Variants in KCNMA1 observed in about 807,000 individuals in gnomAD.
KCNMA1 encodes the protein Calcium-activated potassium channel subunit alpha-1.
In KCNMA1, 29 loss-of-function variants were observed where a neutral mutation model predicts 140.0. That is an observed-to-expected ratio of 0.21 (90% confidence interval 0.15 to 0.28). KCNMA1 has a LOEUF of 0.28. KCNMA1 is among the 10% of genes least tolerant of loss of function. The pLI, the probability that KCNMA1 is intolerant of heterozygous loss-of-function variation, is 1.00. For synonymous variants in KCNMA1, 612 were observed against 611.9 expected (o/e 1.00, Z 0.00); for missense variants, 880 against 1,602.2 (o/e 0.55, Z 7.70).
rs565265322 is a variant in KCNMA1 at position 77,506,725 on chromosome 10, A to T, written c.379-102702T>A. Among the ~76,000 whole-genome samples the T allele has an allele frequency of 1.4e-3, 183 of 133,634 alleles. 1 individual carries two copies. The highest frequency in any genetic ancestry group is 4.6e-3 in the Middle Eastern group (1 of 216). The allele number at this position is 133,634 out of a possible 152,430, so 87.7% of individuals were successfully genotyped here. A position where few individuals can be genotyped will look rare whatever the true frequency, so the allele number is the denominator to read the frequency against. ...GATGTTCCGAGAGAGAGAGAGAGAG[A>T]GTGTGTGTGTGTGTGTTTGTTAGAG... On this transcript the variant is annotated intron_variant, in intron 1 of 27. Transcript: ENST00000286628.
At chr10:77,366,110 C>CTTTCTT (rs1555244423) in intron 2 of KCNMA1, among the ~76,000 whole-genome samples, 45 of 150,160 alleles carry the variant, frequency 3.0e-4, no homozygotes, top group South Asian at 8.5e-4. Flanking sequence ...CATGTTCTTT[C>CTTTCTT]TTTCTTTCTT....
chr10:77,568,305 C>T (rs1427114809), intron 1 of KCNMA1, among the ~76,000 whole-genome samples: 4 of 152,216 alleles, frequency 2.6e-5, no homozygotes, highest in South Asian at 2.1e-4. Context: ...AGACCAATAT[C>T]CTTGATGAAC....
chr10:77,625,132 G>A (rs574615112), intron 1 of KCNMA1, among the ~76,000 whole-genome samples: 3 of 152,148 alleles, frequency 2.0e-5, no homozygotes, highest in Non-Finnish European at 2.9e-5. Context: ...AGTGGCTCAC[G>A]CCTGTAATCC....
chr10:76,977,389 G>A (rs2077956778), intron 19 of KCNMA1, among the ~76,000 whole-genome samples: 1 of 152,164 alleles, frequency 6.6e-6, no homozygotes, highest in Non-Finnish European at 1.5e-5. Context: ...AAAAAGATAT[G>A]AAATTTGGTG....
intron 19 of KCNMA1, among the ~76,000 whole-genome samples, chr10:76,982,226 C>T (rs1352117039): frequency 6.7e-6 from 1 of 150,366 alleles, no homozygotes; most frequent in Non-Finnish European, 1.5e-5. Context: ...TCATAAGTTA[C>T]ATAAATGCAA....
intron 23 of KCNMA1, among the ~76,000 whole-genome samples, chr10:76,923,944 G>T (rs998224024): frequency 6.6e-6 from 1 of 152,160 alleles, no homozygotes; most frequent in Admixed American, 6.5e-5. Flanking sequence ...GGCAGAGGTT[G>T]CAGTGAGCCA....
intron 16 of KCNMA1, 90 bp downstream of exon 16, chr10:77,027,733 G>GCA: frequency 9.9e-7 from 1 of 1,014,292 alleles, no homozygotes; most frequent in East Asian, 2.4e-5. Flanking sequence ...GATAAATAAT[G>GCA]CACAAGAAAG....
rs758400873 is a variant in KCNMA1 at position 76,915,042 on chromosome 10, T to C, written c.2910A>G (p.Thr970=). The stretch of plus-strand genomic sequence containing the variant: ...GAGAGGATCTATCCATTCCTGGAGG[T>C]GTGAACCCTAGTGGGAAGGAAACAG... ...GVLQANSQGF[T]PPGMDRSSPD... The change falls in exon 24 of 28, where the codon ACA becomes ACG. Residue 970 remains threonine, a synonymous_variant. Transcript: ENST00000286628. 1 of 1,611,344 alleles carries C rather than the reference T, an allele frequency of 6.2e-7. No homozygotes were observed. The highest frequency in any genetic ancestry group is 8.5e-7 in the Non-Finnish European group (1 of 1,177,826).
intron 2 of KCNMA1, among the ~76,000 whole-genome samples, chr10:77,366,989 T>C (rs1004341258): frequency 6.6e-6 from 1 of 152,220 alleles, no homozygotes; most frequent in Non-Finnish European, 1.5e-5. Context: ...CTACAAGACA[T>C]AGATCTTGTC....
Position 77,427,174 on chromosome 10 carries a change from C to T in KCNMA1, c.379-23151G>A, listed in dbSNP as rs534316600. Among the ~76,000 whole-genome samples the T allele has an allele frequency of 3.9e-5, 6 of 152,318 alleles. No homozygotes were observed. The East Asian group carries it at 9.6e-4, about 24-fold the overall frequency. Reference sequence around the variant, plus strand: ...ATCAGCATCATGGTGCTGTCCCAGCCCAGATGGTCACTTATATATTCCCCA... The same window carrying T: ...ATCAGCATCATGGTGCTGTCCCAGCTCAGATGGTCACTTATATATTCCCCA... On this transcript the variant is annotated intron_variant, in intron 1 of 27. Coordinates refer to ENST00000286628, the MANE Select transcript of KCNMA1 (RefSeq NM_001161352.2).
intron 20 of KCNMA1, among the ~76,000 whole-genome samples, chr10:76,962,567 T>G (rs1392441771): frequency 6.6e-6 from 1 of 152,178 alleles, no homozygotes; most frequent in South Asian, 2.1e-4. Flanking sequence ...TTTCTCAGAC[T>G]TCACAGTTTG....
intron 6 of KCNMA1, among the ~76,000 whole-genome samples, chr10:77,114,863 C>T (rs1193762166): frequency 6.6e-6 from 1 of 152,220 alleles, no homozygotes; most frequent in Non-Finnish European, 1.5e-5. Context: ...TGGCTTAATG[C>T]AGCCTACAGG....
chr10:76,902,959 C>T (rs2046167055), intron 25 of KCNMA1: 1 of 152,342 alleles, frequency 6.6e-6, no homozygotes, highest in East Asian at 1.9e-4. Context: ...GGTGTCTCGG[C>T]GTTCTGATTC....
At chr10:77,134,576 G>T (rs2097939927) in intron 5 of KCNMA1, among the ~76,000 whole-genome samples, 1 of 152,020 alleles carries the variant, frequency 6.6e-6, no homozygotes, top group African/African-American at 2.4e-5. Flanking sequence ...TTGAGAAAGA[G>T]CCCCATGACA....
intron 3 of KCNMA1, among the ~76,000 whole-genome samples, chr10:77,232,559 T>C (rs1347130033): frequency 2.0e-5 from 3 of 152,252 alleles, no homozygotes; most frequent in African/African-American, 7.2e-5. Context: ...GTATATCTTC[T>C]TTAGAGAGAG....
chr10:76,952,004 G>A (rs1565147959), intron 21 of KCNMA1: 3 of 1,546,044 alleles, frequency 1.9e-6, no homozygotes, highest in Admixed American at 2.0e-5. Context: ...GTTAAATGAT[G>A]TTATTTTTCA....
chr10:77,403,756 A>G, intron 2 of KCNMA1, 106 bp downstream of exon 2: 2 of 1,172,996 alleles, frequency 1.7e-6, no homozygotes, highest in East Asian at 2.4e-5. Context: ...ACCTCCCAAT[A>G]GCCAGCCTCC....
chr10:77,401,308 C>G (rs566820616), intron 2 of KCNMA1, among the ~76,000 whole-genome samples: 5 of 152,220 alleles, frequency 3.3e-5, no homozygotes, highest in African/African-American at 9.6e-5. Flanking sequence ...AGGCACCCGC[C>G]ACCACACTGG....
chr10:77,555,192 T>C (rs2063948448), intron 1 of KCNMA1, among the ~76,000 whole-genome samples: 1 of 152,146 alleles, frequency 6.6e-6, no homozygotes, highest in African/African-American at 2.4e-5. Flanking sequence ...AACAAGGGCA[T>C]GTGACTGATA....
Sources: allele counts gnomAD v4.1 joint callset (sites outside exome capture counted in the v4.1 genomes callset), GRCh38; gene constraint gnomAD v4.1.1; transcripts MANE v1.5; gene names NCBI Gene and HGNC (gene_info 2026-07-23, HGNC 2026-07-21).